Variants in NKAIN2 observed in about 807,000 individuals in gnomAD.
The protein encoded by NKAIN2 is sodium/potassium-transporting ATPase subunit beta-1-interacting protein 2.
Under a neutral mutation model 32.6 loss-of-function variants are expected in NKAIN2, and 14 were observed. That is an observed-to-expected ratio of 0.43 (90% CI 0.28 to 0.67). NKAIN2 has a LOEUF of 0.67. Ranked by LOEUF, NKAIN2 falls within the 30% of genes least tolerant of loss-of-function variation. NKAIN2 has a pLI of 0.17. For missense variants in NKAIN2, 198 were observed against 258.3 expected (o/e 0.77, Z 1.60); for synonymous variants, 80 against 87.2 (o/e 0.92, Z 0.46).
chr6:123,948,204 AT>A (rs1484892620), intron 1 of NKAIN2, among the ~76,000 whole-genome samples: 1 of 152,064 alleles, frequency 6.6e-6, no homozygotes, highest in Non-Finnish European at 1.5e-5. Flanking sequence ...TATATTTGCT[AT>A]TGTGAACAGT....
At position 124,804,710 on chromosome 6, in the gene NKAIN2, G is replaced by T. The variant is rs182875740; in HGVS notation, c.535+13311G>T. Among the ~76,000 whole-genome samples, 695 of 152,324 alleles carry T rather than the reference G, an allele frequency of 4.6e-3. 5 individuals carry two copies. The highest frequency in any genetic ancestry group is 0.016 in the African/African-American group (662 of 41,570). ...CGAGGCATTGCCTCACTCGGGAAGC[G>T]CAAGGGATCAGGGAGTTCCCTTTCC... On this transcript the variant is annotated intron_variant, in intron 5 of 6. Transcript: ENST00000368417.
At chr6:124,441,177 G>A (rs1162680097) in intron 3 of NKAIN2, among the ~76,000 whole-genome samples, 4 of 152,042 alleles carry the variant, frequency 2.6e-5, no homozygotes, top group African/African-American at 9.7e-5. Context: ...AGATAAGTCA[G>A]TTTTTATAAT....
At chr6:124,229,764 T>C (rs1792348638) in intron 1 of NKAIN2, among the ~76,000 whole-genome samples, 2 of 152,138 alleles carry the variant, frequency 1.3e-5, no homozygotes, top group Admixed American at 6.6e-5. Context: ...CTGCCATCCA[T>C]GTAAAACTTG....
At chr6:124,789,546 C>G (rs1260315482) in intron 4 of NKAIN2, among the ~76,000 whole-genome samples, 1 of 151,906 alleles carries the variant, frequency 6.6e-6, no homozygotes. Flanking sequence ...TTTCATGGGT[C>G]CTGGTGGATA....
At chr6:124,131,728 G>A (rs1047272693) in intron 1 of NKAIN2, among the ~76,000 whole-genome samples, 1 of 152,118 alleles carries the variant, frequency 6.6e-6, no homozygotes, top group East Asian at 1.9e-4. Flanking sequence ...GGCACTCCTA[G>A]TCTCCAGCTT....
At chr6:124,330,949 G>A (rs142354250) in intron 2 of NKAIN2, among the ~76,000 whole-genome samples, 28 of 152,100 alleles carry the variant, frequency 1.8e-4, no homozygotes, top group South Asian at 4.1e-4. Context: ...GATCTGAGGC[G>A]GAACAGTTTC....
intron 1 of NKAIN2, among the ~76,000 whole-genome samples, chr6:124,186,691 A>G (rs552564168): frequency 6.6e-6 from 1 of 152,342 alleles, no homozygotes; most frequent in African/African-American, 2.4e-5. Flanking sequence ...TCAACTTACT[A>G]TGCCAAAAAC....
intron 1 of NKAIN2, among the ~76,000 whole-genome samples, chr6:123,846,858 A>ACG (rs1775115168): frequency 6.6e-6 from 1 of 151,782 alleles, no homozygotes; most frequent in East Asian, 1.9e-4. Flanking sequence ...ACACACACAC[A>ACG]CACATAACAC....
At chr6:124,040,758 A>G (rs762073254) in intron 1 of NKAIN2, among the ~76,000 whole-genome samples, 3 of 152,010 alleles carry the variant, frequency 2.0e-5, no homozygotes, top group Non-Finnish European at 2.9e-5. Flanking sequence ...CTGTGTTACC[A>G]CGAACAAGTT....
intron 1 of NKAIN2, among the ~76,000 whole-genome samples, chr6:123,815,454 C>A (rs1445318936): frequency 6.6e-6 from 1 of 152,056 alleles, no homozygotes; most frequent in Non-Finnish European, 1.5e-5. Context: ...TAAATCAGAA[C>A]GTAAATAATG....
At chr6:124,210,458 T>G (rs1294610859) in intron 1 of NKAIN2, among the ~76,000 whole-genome samples, 1 of 151,878 alleles carries the variant, frequency 6.6e-6, no homozygotes, top group Admixed American at 6.6e-5. Context: ...TTTCTATTTC[T>G]GTGAAGAATG....
chr6:124,687,429 A>ATGTG (rs1773995660), intron 4 of NKAIN2, among the ~76,000 whole-genome samples: 3 of 3,186 alleles, frequency 9.4e-4, no homozygotes, highest in African/African-American at 1.6e-3. Flanking sequence ...TATTCCATGT[A>ATGTG]TACCATATAC....
At chr6:124,746,627 A>G (rs1297685887) in intron 4 of NKAIN2, among the ~76,000 whole-genome samples, 1 of 151,932 alleles carries the variant, frequency 6.6e-6, no homozygotes, top group Non-Finnish European at 1.5e-5. Context: ...AACATCATCA[A>G]GAATGTTTAT....
chr6:123,917,622 T>C (rs1775560770), intron 1 of NKAIN2, among the ~76,000 whole-genome samples: 1 of 152,158 alleles, frequency 6.6e-6, no homozygotes, highest in Non-Finnish European at 1.5e-5. Flanking sequence ...TCTTGGGCCT[T>C]TCCTTTTCCG....
chr6:124,275,443 A>G (rs1486868131), intron 1 of NKAIN2, among the ~76,000 whole-genome samples: 5 of 150,224 alleles, frequency 3.3e-5, no homozygotes, highest in Non-Finnish European at 7.4e-5. Flanking sequence ...AATCTTCTCC[A>G]ATATTTTCTT....
intron 1 of NKAIN2, among the ~76,000 whole-genome samples, chr6:124,189,822 G>A (rs947349163): frequency 6.6e-6 from 1 of 152,228 alleles, no homozygotes; most frequent in Non-Finnish European, 1.5e-5. Context: ...TGCACACACG[G>A]AGGGAAGAAA....
At chr6:124,656,596 T>A (rs1784547419) in intron 3 of NKAIN2, among the ~76,000 whole-genome samples, 1 of 151,978 alleles carries the variant, frequency 6.6e-6, no homozygotes. Context: ...GCATTAAATA[T>A]CTCATCTGTA....
chr6:124,653,829 A>G (rs1784449303), intron 3 of NKAIN2, among the ~76,000 whole-genome samples: 3 of 152,138 alleles, frequency 2.0e-5, no homozygotes, highest in Non-Finnish European at 4.4e-5. Context: ...TGAGTCTGAA[A>G]TAGGCAAAGA....
chr6:124,140,173 A>G (rs1787063931), intron 1 of NKAIN2, among the ~76,000 whole-genome samples: 1 of 152,208 alleles, frequency 6.6e-6, no homozygotes, highest in South Asian at 2.1e-4. Context: ...TTAGGCATCA[A>G]TCTTTGCCCC....
Sources: gnomAD v4.1 joint callset for allele counts (sites outside exome capture counted in the v4.1 genomes callset) on GRCh38, gnomAD v4.1.1 for gene constraint, MANE v1.5 for transcripts, NCBI Gene and HGNC (gene_info 2026-07-23, HGNC 2026-07-21) for gene names.